The following BRI3 variants were observed in gnomAD, a reference collection of about 807,000 sequenced individuals.
The protein encoded by BRI3 is membrane protein BRI3.
BRI3 carries 6 observed loss-of-function variants against 12.8 expected under a neutral mutation model. The observed-to-expected ratio is 0.47, with a 90% CI of 0.26 to 0.93. BRI3 has a LOEUF of 0.93. Ranked by LOEUF, BRI3 falls within the 40% of genes least tolerant of loss-of-function variation. The probability of loss-of-function intolerance (pLI) is 0.15; values close to 1 mark genes in which losing one functional copy is unlikely to be tolerated. For missense variants in BRI3, 134 were observed against 171.1 expected, an observed-to-expected ratio of 0.78 and a Z score of 1.21; for synonymous variants, 91 against 76.1, an observed-to-expected ratio of 1.20 and a Z score of -1.02.
downstream of BRI3, chr7:98,312,285 G>A (rs767427025): frequency 3.8e-6 from 6 of 1,584,014 alleles, no homozygotes; most frequent in Non-Finnish European, 5.1e-6. Context: ...AAAAGAAGAA[G>A]ACTAAAGACA....
At chr7:98,293,629 C>T (rs748601445), downstream of BRI3, 1 of 1,594,548 alleles carries the variant, frequency 6.3e-7, no homozygotes, top group South Asian at 1.1e-5. Flanking sequence ...TTCAGAACTT[C>T]TGCTCTACGA....
chr7:98,292,665 C>G, downstream of BRI3: 1 of 1,551,660 alleles, frequency 6.4e-7, no homozygotes, highest in Non-Finnish European at 8.7e-7. Context: ...TGGCTTTACA[C>G]GTATCCTTTG....
At chr7:98,301,252 C>T (rs1800406969) in intron 1 of BRI3, among the ~76,000 whole-genome samples, 1 of 152,202 alleles carries the variant, frequency 6.6e-6, no homozygotes, top group Non-Finnish European at 1.5e-5. Context: ...GTCACCTCCA[C>T]CCCTGTGCTG....
chr7:98,283,502 C>G (rs1188491786), intron 2 of BRI3, among the ~76,000 whole-genome samples: 1 of 151,940 alleles, frequency 6.6e-6, no homozygotes, highest in African/African-American at 2.4e-5. Flanking sequence ...TGGTCACCAC[C>G]CAGCAGAAAC....
At chr7:98,292,605 T>C (rs1021740266), downstream of BRI3, 5 of 1,549,870 alleles carry the variant, frequency 3.2e-6, no homozygotes, top group African/African-American at 2.7e-5. Flanking sequence ...GAGGGCATCA[T>C]GGCTGCTAGG....
downstream of BRI3, chr7:98,293,655 AAC>A (rs1430950058): frequency 2.0e-6 from 3 of 1,523,936 alleles, no homozygotes; most frequent in African/African-American, 4.1e-5. Flanking sequence ...ACTGGATTTT[AAC>A]AGTGCTAATA....
intron 2 of BRI3, among the ~76,000 whole-genome samples, chr7:98,285,095 C>T (rs1799666868): frequency 1.3e-5 from 2 of 152,184 alleles, no homozygotes; most frequent in Admixed American, 6.6e-5. Flanking sequence ...ACTGGCTGGG[C>T]TGTCACTGGG....
upstream of BRI3, among the ~76,000 whole-genome samples, chr7:98,304,964 C>T (rs1476473296): frequency 6.8e-6 from 1 of 148,050 alleles, no homozygotes; most frequent in African/African-American, 2.5e-5. Context: ...CTCCCTGGTT[C>T]AAGTGATTCT....
At chr7:98,290,072 A>G (rs1799853271) in intron 2 of BRI3, among the ~76,000 whole-genome samples, 1 of 152,108 alleles carries the variant, frequency 6.6e-6, no homozygotes, top group Admixed American at 6.6e-5. Flanking sequence ...AGGAACGGAA[A>G]TCGAATAAAA....
chr7:98,305,504 T>TG (rs1389945989), upstream of BRI3, among the ~76,000 whole-genome samples: 1 of 152,120 alleles, frequency 6.6e-6, no homozygotes, highest in African/African-American at 2.4e-5. Context: ...GGATGGGTTA[T>TG]GGGGGTTCTG....
intron 2 of BRI3, among the ~76,000 whole-genome samples, chr7:98,284,766 C>T (rs990295087): frequency 6.6e-6 from 1 of 152,226 alleles, no homozygotes; most frequent in East Asian, 1.9e-4. Flanking sequence ...ACTCCATCTT[C>T]CCTTTCTAGC....
Position 98,281,900 on chromosome 7 carries a change from C to A in BRI3, c.105C>A (p.Ala35=). Residue 35 remains alanine, a synonymous_variant, in exon 1 of 3, where the codon GCC becomes GCA. Transcript: ENST00000297290. ...CGCACGGCTACGGCGCCATCCCCGC[C>A]GCGCCCCCGCCGCCGCCCTACCCCT... ...CGPHGYGAIP[A]APPPPPYPYL... is the part of the protein sequence containing the mutation. The A allele has an allele frequency of 7.7e-7, 1 of 1,299,918 alleles. No homozygotes were observed. The highest frequency in any genetic ancestry group is 9.8e-7 in the Non-Finnish European group (1 of 1,024,186). The allele number at this position is 1,299,918 out of a possible 1,614,324, so 80.5% of individuals were successfully genotyped here.
At chr7:98,317,140 A>T in the BRI3 span, 21 of 1,583,774 alleles carry the variant, frequency 1.3e-5, no homozygotes, top group Non-Finnish European at 1.8e-5. Context: ...GGCGTGAGCC[A>T]CCGCACCCGG....
intron 1 of BRI3, among the ~76,000 whole-genome samples, chr7:98,297,966 C>T (rs965832137): frequency 3.9e-5 from 6 of 152,268 alleles, no homozygotes; most frequent in Non-Finnish European, 7.3e-5. Context: ...CACAGTGGCT[C>T]ACGCCTGTAA....
intron 2 of BRI3, among the ~76,000 whole-genome samples, chr7:98,286,417 G>A (rs745684614): frequency 6.6e-6 from 1 of 152,186 alleles, no homozygotes; most frequent in African/African-American, 2.4e-5. Flanking sequence ...CCCTAATTTC[G>A]CCAGTGGCCA....
the BRI3 span, chr7:98,317,411 C>T: frequency 6.2e-7 from 1 of 1,600,184 alleles, no homozygotes; most frequent in Non-Finnish European, 8.5e-7. Flanking sequence ...AATTGTCACA[C>T]AGTTTGCCTT....
exon 2 of BRI3, chr7:98,310,119 G>A (rs959467658): frequency 1.8e-5 from 4 of 224,098 alleles, no homozygotes; most frequent in Non-Finnish European, 3.5e-5. Context: ...CCAAAGGGCT[G>A]GGATTACAGG....
At chr7:98,318,895 G>A in the BRI3 span, among the ~76,000 whole-genome samples, 1 of 146,726 alleles carries the variant, frequency 6.8e-6, no homozygotes, top group African/African-American at 2.5e-5. Flanking sequence ...AGTGAGCCCC[G>A]AGATTGCGCC....
the BRI3 span, chr7:98,317,297 G>A: frequency 3.7e-6 from 6 of 1,614,146 alleles, no homozygotes; most frequent in Admixed American, 1.7e-5. Context: ...ACTCAGCTTG[G>A]GATTTCTCCA....
Sources: allele counts gnomAD v4.1 joint callset (sites outside exome capture counted in the v4.1 genomes callset), GRCh38; gene constraint gnomAD v4.1.1; transcripts MANE v1.5; gene names NCBI Gene and HGNC (gene_info 2026-07-23, HGNC 2026-07-21).